The following NDUFAF6 variants were observed in gnomAD, a reference collection of about 807,000 sequenced individuals.
NDUFAF6 encodes NADH dehydrogenase (ubiquinone) complex I, assembly factor 6.
A neutral mutation model predicts 40.8 loss-of-function variants in NDUFAF6; 45 were observed. The ratio of observed to expected loss-of-function variants is 1.10; its 90% CI spans 0.87 to 1.42. NDUFAF6 has a LOEUF of 1.42. Ranked by LOEUF, NDUFAF6 falls within the 40% of genes most tolerant of loss-of-function variation. The probability of loss-of-function intolerance (pLI) is 0.00; values close to 1 mark genes in which losing one functional copy is unlikely to be tolerated. For synonymous variants in NDUFAF6, 185 were observed against 155.9 expected (o/e 1.19, Z -1.39); for missense variants, 435 against 418.5 (o/e 1.04, Z -0.34).
chr8:95,051,513 T>G (rs1831427592), intron 7 of NDUFAF6, among the ~76,000 whole-genome samples: 1 of 152,076 alleles, frequency 6.6e-6, no homozygotes, highest in South Asian at 2.1e-4. Flanking sequence ...TTCCTGGTGT[T>G]AGGGACAATA....
intron 1 of NDUFAF6, among the ~76,000 whole-genome samples, chr8:94,936,799 G>GATATAAATGA (rs1189371507): frequency 5.9e-5 from 9 of 152,280 alleles, no homozygotes; most frequent in African/African-American, 1.9e-4. Flanking sequence ...GCTCCCTGGA[G>GATATAAATGA]GTGCCATCCT....
At chr8:95,059,066 T>C (rs1238776617), downstream of NDUFAF6, among the ~76,000 whole-genome samples, 2 of 152,094 alleles carry the variant, frequency 1.3e-5, no homozygotes, top group African/African-American at 4.8e-5. Context: ...AATAATAATA[T>C]AAAACTTTTA....
intron 1 of NDUFAF6, among the ~76,000 whole-genome samples, chr8:94,908,969 A>AC (rs1310671223): frequency 1.3e-5 from 2 of 152,128 alleles, no homozygotes; most frequent in Non-Finnish European, 2.9e-5. Flanking sequence ...CAAATCCTGA[A>AC]CCCCTCACTC....
downstream of NDUFAF6, among the ~76,000 whole-genome samples, chr8:95,077,999 G>A (rs1404682142): frequency 6.6e-6 from 1 of 152,060 alleles, no homozygotes; most frequent in African/African-American, 2.4e-5. Flanking sequence ...GAAGCTGAGA[G>A]CCGCGGAAGG....
intron 9 of NDUFAF6, among the ~76,000 whole-genome samples, chr8:95,069,420 T>C (rs1832780124): frequency 6.6e-6 from 1 of 151,898 alleles, no homozygotes; most frequent in Non-Finnish European, 1.5e-5. Context: ...TATGCACTCG[T>C]ATGATGGTTT....
downstream of NDUFAF6, among the ~76,000 whole-genome samples, chr8:95,104,949 C>G (rs1809775668): frequency 1.3e-5 from 2 of 151,804 alleles, no homozygotes; most frequent in Admixed American, 1.3e-4. Flanking sequence ...CCCAGAAAGA[C>G]AGAAGATTAG....
chr8:94,979,229 G>T (rs571849714), intron 1 of NDUFAF6, among the ~76,000 whole-genome samples: 7 of 152,232 alleles, frequency 4.6e-5, no homozygotes, highest in African/African-American at 1.4e-4. Context: ...TTTTGATGGT[G>T]TGGGCCATTT....
intron 1 of NDUFAF6, among the ~76,000 whole-genome samples, chr8:94,959,053 G>A (rs113510116): frequency 0.025 from 3,541 of 144,376 alleles, 57 homozygotes; most frequent in South Asian, 0.079. Context: ...ATATGGCAGA[G>A]AAGCTGAAAA....
chr8:94,983,542 C>A (rs1272868726), intron 2 of NDUFAF6, among the ~76,000 whole-genome samples: 2 of 152,150 alleles, frequency 1.3e-5, no homozygotes, highest in Non-Finnish European at 2.9e-5. Context: ...CTAGGATTTA[C>A]AGGCATGAGC....
intron 1 of NDUFAF6, among the ~76,000 whole-genome samples, chr8:94,943,639 A>T (rs1332525524): frequency 6.6e-6 from 1 of 152,236 alleles, no homozygotes; most frequent in Non-Finnish European, 1.5e-5. Flanking sequence ...CTGTAAAAGT[A>T]GTTGGGATCT....
chr8:95,107,135 A>T (rs182758573), downstream of NDUFAF6, among the ~76,000 whole-genome samples: 15 of 152,354 alleles, frequency 9.8e-5, no homozygotes, highest in Admixed American at 7.2e-4. Flanking sequence ...ATTACTGGGT[A>T]TATACCCAAA....
At chr8:94,933,834 TGG>T (rs572867137) in intron 1 of NDUFAF6, among the ~76,000 whole-genome samples, 2 of 59,008 alleles carry the variant, frequency 3.4e-5, no homozygotes, top group Non-Finnish European at 3.4e-5. Flanking sequence ...CAGCACTTTG[TGG>T]GGGGGGGGGG....
chr8:95,036,259 T>C, intron 3 of NDUFAF6: 2 of 1,226,532 alleles, frequency 1.6e-6, no homozygotes, highest in South Asian at 2.8e-5. Flanking sequence ...GGAAGGGAAT[T>C]AGATACCTTT....
At chr8:95,024,979 G>GGGGGTCGAAGGGCACGCAGTGCC (rs1157230255), upstream of NDUFAF6, 1 of 1,298,714 alleles carries the variant, frequency 7.7e-7, no homozygotes, top group Non-Finnish European at 9.7e-7. Context: ...GCCGACGGCG[G>GGGGGTCGAAGGGCACGCAGTGCC]GGGGTCGAAG....
intron 1 of NDUFAF6, among the ~76,000 whole-genome samples, chr8:94,972,390 C>A (rs959866221): frequency 4.6e-5 from 7 of 152,008 alleles, no homozygotes; most frequent in Non-Finnish European, 1.0e-4. Flanking sequence ...TACAGGCGTG[C>A]GCCACACCAG....
downstream of NDUFAF6, among the ~76,000 whole-genome samples, chr8:95,080,520 T>G (rs112217477): frequency 2.8e-3 from 411 of 146,716 alleles, 3 homozygotes; most frequent in African/African-American, 9.0e-3. Context: ...AGTGTATTTT[T>G]GTAGTGTATT....
chr8:94,947,048 T>C (rs1169395540), intron 2 of NDUFAF6, among the ~76,000 whole-genome samples: 1 of 152,144 alleles, frequency 6.6e-6, no homozygotes, highest in Non-Finnish European at 1.5e-5. Context: ...GAAGTACTTA[T>C]TTGTCCCATT....
chr8:94,928,158 C>T (rs186819647), intron 1 of NDUFAF6: 1 of 151,868 alleles, frequency 6.6e-6, no homozygotes, highest in East Asian at 1.9e-4. Context: ...AAAAGCCCAA[C>T]GAATGTAATT....
At chr8:94,994,621 G>A (rs184552649) in intron 2 of NDUFAF6, among the ~76,000 whole-genome samples, 19 of 152,120 alleles carry the variant, frequency 1.2e-4, no homozygotes, top group Admixed American at 3.9e-4. Context: ...ATTGCTTGAG[G>A]TCAGGAGTTC....
Sources: gnomAD v4.1 joint callset for allele counts (sites outside exome capture counted in the v4.1 genomes callset) on GRCh38, gnomAD v4.1.1 for gene constraint, MANE v1.5 for transcripts, NCBI Gene and HGNC (gene_info 2026-07-23, HGNC 2026-07-21) for gene names.